SLC35F4: variants seen among roughly 807,000 people sequenced by gnomAD.
The protein encoded by SLC35F4 is solute carrier family 35 member F4.
In SLC35F4, 24 loss-of-function variants were observed where a neutral mutation model predicts 44.2. The ratio of observed to expected loss-of-function variants is 0.54; its 90% CI spans 0.39 to 0.76. The LOEUF (loss-of-function observed/expected upper bound fraction) is 0.76. SLC35F4 is among the 30% of genes least tolerant of loss of function. The pLI, the probability that SLC35F4 is intolerant of heterozygous loss-of-function variation, is 0.00. For synonymous variants in SLC35F4, 238 were observed against 223.6 expected, an observed-to-expected ratio of 1.06 and a Z score of -0.57; for missense variants, 562 against 586.1, an observed-to-expected ratio of 0.96 and a Z score of 0.42.
chr14:57,869,445 G>A (rs1044995363), upstream of SLC35F4, among the ~76,000 whole-genome samples: 6 of 152,120 alleles, frequency 3.9e-5, no homozygotes, highest in South Asian at 1.0e-3. Flanking sequence ...TTAGCAGAAA[G>A]GGATCAGAAA....
intron 1 of SLC35F4, among the ~76,000 whole-genome samples, chr14:57,844,211 C>T (rs1351979975): frequency 2.0e-5 from 3 of 152,102 alleles, no homozygotes; most frequent in Non-Finnish European, 4.4e-5. Flanking sequence ...TCAGAAATAT[C>T]CAGAAATGTC....
intron 1 of SLC35F4, among the ~76,000 whole-genome samples, chr14:57,805,148 A>G (rs1261762559): frequency 6.6e-6 from 1 of 152,230 alleles, no homozygotes; most frequent in African/African-American, 2.4e-5. Context: ...GTGGAGAAAA[A>G]GGAATACTTT....
intron 1 of SLC35F4, among the ~76,000 whole-genome samples, chr14:57,753,229 G>GT (rs1566823910): frequency 6.6e-6 from 1 of 152,180 alleles, no homozygotes; most frequent in Non-Finnish European, 1.5e-5. Context: ...TTGGGATTGT[G>GT]TTCAACTGTA....
At chr14:57,708,090 C>G (rs1480865265) in intron 1 of SLC35F4, among the ~76,000 whole-genome samples, 1 of 152,208 alleles carries the variant, frequency 6.6e-6, no homozygotes, top group Non-Finnish European at 1.5e-5. Flanking sequence ...GAACCTCCCC[C>G]ACTTGCTCCT....
chr14:57,642,079 A>C (rs568928753), intron 1 of SLC35F4, among the ~76,000 whole-genome samples: 1 of 152,146 alleles, frequency 6.6e-6, no homozygotes, highest in African/African-American at 2.4e-5. Flanking sequence ...CTAGAGATTC[A>C]TTAGAGTTTA....
intron 1 of SLC35F4, among the ~76,000 whole-genome samples, chr14:57,616,091 ACT>A (rs1403221362): frequency 6.6e-6 from 1 of 152,156 alleles, no homozygotes; most frequent in African/African-American, 2.4e-5. Flanking sequence ...TATCATTTTA[ACT>A]CTTTTAAGTG....
chr14:57,613,097 G>A lies in SLC35F4; in HGVS notation c.104-18973C>T, dbSNP rs75272045. ...TGGGCAGCAGGAGCTGGGTTGTTTT[G>A]GAGTCCCTGCTTCTCTGTCTTATGG... On this transcript the variant is annotated intron_variant, in intron 1 of 7. Transcript: ENST00000556826. Among the ~76,000 whole-genome samples the A allele has an allele frequency of 5.5e-3, 839 of 152,200 alleles. 6 individuals are homozygous for A. The highest frequency in any genetic ancestry group is 0.019 in the African/African-American group (786 of 41,506).
intron 1 of SLC35F4, among the ~76,000 whole-genome samples, chr14:57,620,222 C>T (rs58655076): frequency 6.6e-6 from 1 of 152,014 alleles, no homozygotes; most frequent in South Asian, 2.1e-4. Flanking sequence ...AGAAGAGCAA[C>T]CCCAAGACAT....
rs538872084 is a variant in SLC35F4, at chr14:57,809,712, C to A, written c.103+56011G>T. The stretch of plus-strand genomic sequence containing the variant: ...TTCATCTGTGATTCCCTTAAAATGA[C>A]CATTATTTGGTAAACACTGTTATCG... On this transcript the variant is annotated intron_variant, in intron 1 of 7. Transcript: ENST00000556826. Among the ~76,000 whole-genome samples, 11 of 152,298 alleles carry A rather than the reference C, an allele frequency of 7.2e-5. No homozygotes were observed. The South Asian group carries it at 1.9e-3, about 26-fold the overall frequency.
At chr14:57,954,734 G>A (rs924395656) in intron 1 of SLC35F4, among the ~76,000 whole-genome samples, 3 of 151,832 alleles carry the variant, frequency 2.0e-5, no homozygotes, top group Admixed American at 6.6e-5. Context: ...GGATGAAGTC[G>A]AATCTCTGAA....
At chr14:57,605,206 T>C (rs957076992) in intron 1 of SLC35F4, among the ~76,000 whole-genome samples, 1 of 152,146 alleles carries the variant, frequency 6.6e-6, no homozygotes, top group African/African-American at 2.4e-5. Context: ...CCACAAACTA[T>C]GTATCTGACA....
intron 1 of SLC35F4, among the ~76,000 whole-genome samples, chr14:57,743,502 A>G (rs1308702516): frequency 6.6e-6 from 1 of 152,228 alleles, no homozygotes; most frequent in Non-Finnish European, 1.5e-5. Context: ...CTGGACACAT[A>G]CACCCTCCCA....
intron 1 of SLC35F4, among the ~76,000 whole-genome samples, chr14:57,903,350 A>G (rs979563733): frequency 1.3e-5 from 2 of 152,228 alleles, no homozygotes; most frequent in Non-Finnish European, 2.9e-5. Flanking sequence ...GCCAGACCTC[A>G]CCTGGGGAAT....
At position 57,576,096 on chromosome 14, in the gene SLC35F4, A is replaced by G. The variant is rs575443919; in HGVS notation, c.808-4077T>C. Among the ~76,000 whole-genome samples the G allele has an allele frequency of 5.3e-5, 8 of 151,772 alleles. No individual in the cohort carries two copies. In the South Asian group the frequency reaches 1.7e-3, roughly 32 times the overall value. The stretch of plus-strand genomic sequence containing the variant: ...AGGGTTTATCAACCTGATCCCATTC[A>G]CTATGGTTCCCACTCACAGATGGTT... On this transcript the variant is annotated intron_variant, in intron 4 of 7. Coordinates refer to ENST00000556826, the MANE Select transcript of SLC35F4 (RefSeq NM_001306087.2).
chr14:57,570,653 CT>C (rs2068453650), intron 5 of SLC35F4, among the ~76,000 whole-genome samples: 1 of 152,158 alleles, frequency 6.6e-6, no homozygotes, highest in Non-Finnish European at 1.5e-5. Context: ...CCACCACTCC[CT>C]ATACTAATCC....
chr14:57,978,414 T>C (rs948253369), intron 1 of SLC35F4, among the ~76,000 whole-genome samples: 1 of 152,204 alleles, frequency 6.6e-6, no homozygotes, highest in Non-Finnish European at 1.5e-5. Flanking sequence ...TTACATAATA[T>C]CTGCCCTATC....
chr14:57,764,416 C>T (rs1333060759), intron 1 of SLC35F4, among the ~76,000 whole-genome samples: 1 of 152,192 alleles, frequency 6.6e-6, no homozygotes, highest in East Asian at 1.9e-4. Context: ...TTTCAAACTG[C>T]CAAGTCTTCT....
At chr14:57,879,644 G>A (rs1277128857) in intron 1 of SLC35F4, among the ~76,000 whole-genome samples, 4 of 152,100 alleles carry the variant, frequency 2.6e-5, no homozygotes, top group African/African-American at 4.8e-5. Flanking sequence ...CCAGGAGAAT[G>A]TTTTTCAAGT....
chr14:57,950,495 T>C (rs1890115369), intron 1 of SLC35F4, among the ~76,000 whole-genome samples: 1 of 152,126 alleles, frequency 6.6e-6, no homozygotes, highest in Non-Finnish European at 1.5e-5. Flanking sequence ...TTGAGTAGCT[T>C]AATAATCAAC....
Sources: allele counts gnomAD v4.1 joint callset (sites outside exome capture counted in the v4.1 genomes callset), GRCh38; gene constraint gnomAD v4.1.1; transcripts MANE v1.5; gene names NCBI Gene and HGNC (gene_info 2026-07-23, HGNC 2026-07-21).